The following CNTN5 variants were observed in gnomAD, a reference collection of about 807,000 sequenced individuals.
CNTN5 encodes contactin 5, also known as contactin-5.
Under a neutral mutation model 129.1 loss-of-function variants are expected in CNTN5, and 77 were observed. That is an observed-to-expected ratio of 0.60 (90% CI 0.50 to 0.72). CNTN5 has a LOEUF of 0.72. CNTN5 is among the 30% of genes least tolerant of loss of function. The pLI is 0.00. For synonymous variants in CNTN5, 509 were observed against 465.6 expected, an observed-to-expected ratio of 1.09 and a Z score of -1.20; for missense variants, 1,478 against 1,328.8, an observed-to-expected ratio of 1.11 and a Z score of -1.75.
chr11:99,362,875 G>A (rs1591575604), intron 2 of CNTN5, among the ~76,000 whole-genome samples: 1 of 151,506 alleles, frequency 6.6e-6, no homozygotes, highest in Non-Finnish European at 1.5e-5. Context: ...ATTCTATTCT[G>A]TAGGTCTGTA....
At chr11:99,463,097 G>A (rs1199714281) in intron 2 of CNTN5, among the ~76,000 whole-genome samples, 1 of 67,864 alleles carries the variant, frequency 1.5e-5, no homozygotes, top group Non-Finnish European at 3.3e-5. Context: ...TAGAGAGCAA[G>A]ACTCCATCTC....
At chr11:100,254,555 T>C (rs539227770) in intron 16 of CNTN5, among the ~76,000 whole-genome samples, 3 of 152,236 alleles carry the variant, frequency 2.0e-5, no homozygotes, top group Admixed American at 2.0e-4. Context: ...CTCTTGCATC[T>C]GCTGGTGGTT....
At chr11:99,302,427 T>C (rs958299392) in intron 1 of CNTN5, among the ~76,000 whole-genome samples, 1 of 151,606 alleles carries the variant, frequency 6.6e-6, no homozygotes, top group Non-Finnish European at 1.5e-5. Context: ...GATAAGAAAA[T>C]ACTATTTACA....
intron 4 of CNTN5, among the ~76,000 whole-genome samples, chr11:99,836,418 T>A (rs1391069116): frequency 1.3e-5 from 2 of 152,018 alleles, no homozygotes; most frequent in African/African-American, 4.8e-5. Context: ...TTGCGATAGT[T>A]TGCTGAGAAT....
chr11:99,181,129 T>A (rs1858037675), intron 1 of CNTN5, among the ~76,000 whole-genome samples: 1 of 152,154 alleles, frequency 6.6e-6, no homozygotes, highest in African/African-American at 2.4e-5. Context: ...GGTGCATTCA[T>A]AATCAGTGAT....
chr11:99,918,660 AGTACAGTATATG>A (rs913415953), intron 7 of CNTN5, among the ~76,000 whole-genome samples: 2 of 152,194 alleles, frequency 1.3e-5, no homozygotes, highest in East Asian at 3.8e-4. Flanking sequence ...TATAGTATAT[AGTACAGTATATG>A]GTACAGTATA....
intron 3 of CNTN5, among the ~76,000 whole-genome samples, chr11:99,704,542 T>C (rs1459066441): frequency 1.3e-5 from 2 of 151,162 alleles, no homozygotes; most frequent in African/African-American, 4.8e-5. Flanking sequence ...TACTATCAAA[T>C]GTTAATAAAG....
chr11:99,245,261 A>G (rs1861759537), intron 1 of CNTN5, among the ~76,000 whole-genome samples: 2 of 152,148 alleles, frequency 1.3e-5, no homozygotes, highest in Admixed American at 1.3e-4. Context: ...ATATAACTGC[A>G]TTTATGTCCC....
chr11:99,076,186 T>G (rs2135265712), intron 1 of CNTN5, among the ~76,000 whole-genome samples: 1 of 151,708 alleles, frequency 6.6e-6, no homozygotes, highest in African/African-American at 2.4e-5. Context: ...AAAAAGAAAA[T>G]TAGCCTGTCA....
chr11:99,903,767 C>A (rs1949420522), intron 6 of CNTN5, among the ~76,000 whole-genome samples: 1 of 152,108 alleles, frequency 6.6e-6, no homozygotes, highest in Non-Finnish European at 1.5e-5. Flanking sequence ...TCAAACTATT[C>A]ATCTGACAAA....
At position 99,526,615 on chromosome 11, in the gene CNTN5, G is replaced by A. The variant is rs183989613; in HGVS notation, c.-70-29530G>A. On this transcript the variant is annotated intron_variant, in intron 2 of 24. Transcript: ENST00000524871. Reference sequence around the variant, plus strand: ...TCTGTAGCAAATTGTGTCAAGTCACGATCAATTCTTTGAGGTGTAATGATA... The same window carrying A: ...TCTGTAGCAAATTGTGTCAAGTCACAATCAATTCTTTGAGGTGTAATGATA... Among the ~76,000 whole-genome samples the A allele has an allele frequency of 1.8e-4, 27 of 152,244 alleles. No homozygotes were observed. The East Asian group carries it at 4.6e-3, about 26-fold the overall frequency.
intron 13 of CNTN5, among the ~76,000 whole-genome samples, chr11:100,078,563 G>A (rs746981824): frequency 1.3e-5 from 2 of 152,076 alleles, no homozygotes; most frequent in South Asian, 4.1e-4. Context: ...GCACTTTAAC[G>A]TTGTTGGTAA....
In CNTN5 at chr11:100,357,638, T is replaced by C. The variant is rs561376927; in HGVS notation, c.*1418T>C. ...GGAGAAACTATGGTTTTATAGGCGATGTTAACAAGAGAACAAAAATTGGTT... is the reference window on the plus strand; with the variant it reads ...GGAGAAACTATGGTTTTATAGGCGACGTTAACAAGAGAACAAAAATTGGTT... On this transcript the variant is annotated 3_prime_UTR_variant, in exon 25 of 25. Transcript: ENST00000524871. The C allele has an allele frequency of 6.6e-6, 1 of 151,748 alleles. No homozygotes were observed. The highest frequency in any genetic ancestry group is 1.5e-5 in the Non-Finnish European group (1 of 67,808). The allele number at this position is 151,748 out of a possible 1,614,324, so 9.4% of individuals were successfully genotyped here. A position where few individuals can be genotyped will look rare whatever the true frequency, so the allele number is the denominator to read the frequency against.
chr11:99,205,267 T>C (rs1022224773), intron 1 of CNTN5, among the ~76,000 whole-genome samples: 1 of 152,184 alleles, frequency 6.6e-6, no homozygotes, highest in African/African-American at 2.4e-5. Context: ...GAATTTCTTT[T>C]AGCAAATCAT....
rs545252953 is a variant in CNTN5, at chr11:100,103,328, T to C, written c.1580+29034T>C. Reference sequence around the variant, plus strand: ...GCAAATGAGTCTTTGCCAGCTTTCCTCCTGATTCTAGTATTTTGCCTAATT... The same window carrying C: ...GCAAATGAGTCTTTGCCAGCTTTCCCCCTGATTCTAGTATTTTGCCTAATT... On this transcript the variant is annotated intron_variant, in intron 13 of 24. Coordinates refer to ENST00000524871, the MANE Select transcript of CNTN5 (RefSeq NM_014361.4). Among the ~76,000 whole-genome samples the C allele has an allele frequency of 7.2e-5, 11 of 152,292 alleles. No individual in the cohort carries two copies. The East Asian group carries it at 2.1e-3, about 29-fold the overall frequency.
intron 3 of CNTN5, among the ~76,000 whole-genome samples, chr11:99,721,152 T>G (rs986004749): frequency 3.3e-5 from 5 of 152,148 alleles, no homozygotes; most frequent in African/African-American, 1.2e-4. Context: ...AAAATTCATA[T>G]GGAACCAAAA....
Position 99,134,324 on chromosome 11 carries a change from T to C in CNTN5, c.-210+113054T>C, listed in dbSNP as rs985425304. On this transcript the variant is annotated intron_variant, in intron 1 of 24. Transcript: ENST00000524871. ...CTGGGCATAACACTTAGGTGATGGG[T>C]TGACAGGTGCAGCAAACCACCATGG... 2.0e-5 allele frequency among the ~76,000 whole-genome samples: 3 copies of C among 152,008 alleles called. No individual in the cohort carries two copies. The South Asian group carries it at 6.2e-4, about 32-fold the overall frequency.
chr11:99,643,435 T>C (rs1002661082), intron 3 of CNTN5, among the ~76,000 whole-genome samples: 1 of 152,188 alleles, frequency 6.6e-6, no homozygotes, highest in Non-Finnish European at 1.5e-5. Flanking sequence ...CAGCAATGTA[T>C]TATTCTGGAA....
At chr11:99,655,496 A>G (rs1213518743) in intron 3 of CNTN5, among the ~76,000 whole-genome samples, 1 of 152,078 alleles carries the variant, frequency 6.6e-6, no homozygotes. Context: ...CCTTCAGGCT[A>G]GTTGTCTGTC....
Sources: allele counts gnomAD v4.1 joint callset (sites outside exome capture counted in the v4.1 genomes callset), GRCh38; gene constraint gnomAD v4.1.1; transcripts MANE v1.5; gene names NCBI Gene and HGNC (gene_info 2026-07-23, HGNC 2026-07-21).